Variants in SGMS1 observed in about 807,000 individuals in gnomAD.
SGMS1 encodes the protein sphingomyelin synthase 1.
In SGMS1, 13 loss-of-function variants were observed where a neutral mutation model predicts 46.2. The observed-to-expected ratio is 0.28, with a 90% CI of 0.18 to 0.45. The LOEUF is 0.45. SGMS1 is among the 20% of genes least tolerant of loss of function. The pLI is 1.00. For synonymous variants in SGMS1, 203 were observed against 187.8 expected (o/e 1.08, Z -0.66); for missense variants, 324 against 519.9 (o/e 0.62, Z 3.66).
chr10:50,491,131 G>A (rs1368075347), intron 3 of SGMS1, among the ~76,000 whole-genome samples: 2 of 152,108 alleles, frequency 1.3e-5, no homozygotes, highest in Non-Finnish European at 2.9e-5. Flanking sequence ...AGAATCAGCT[G>A]AGCCCAGGAG....
intron 3 of SGMS1, among the ~76,000 whole-genome samples, chr10:50,516,899 A>T (rs1442249578): frequency 6.6e-6 from 1 of 152,166 alleles, no homozygotes; most frequent in Non-Finnish European, 1.5e-5. Flanking sequence ...ATATAGTGGG[A>T]ACATCTACTG....
At chr10:50,419,527 G>C (rs533540637) in intron 6 of SGMS1, among the ~76,000 whole-genome samples, 87 of 152,164 alleles carry the variant, frequency 5.7e-4, no homozygotes, top group African/African-American at 2.0e-3. Flanking sequence ...ATTTCATTTA[G>C]GTCACAGGTG....
At chr10:50,406,704 C>CTTTTT (rs11424535) in intron 6 of SGMS1, among the ~76,000 whole-genome samples, 6 of 145,032 alleles carry the variant, frequency 4.1e-5, no homozygotes, top group Non-Finnish European at 3.0e-5. Context: ...AGCTATAATT[C>CTTTTT]TTTTTTTTTT....
intron 1 of SGMS1, among the ~76,000 whole-genome samples, chr10:50,603,196 C>A (rs749007481): frequency 1.3e-4 from 20 of 152,172 alleles, no homozygotes; most frequent in Non-Finnish European, 2.5e-4. Flanking sequence ...CAAACATGAT[C>A]CCCTAATAAA....
intron 7 of SGMS1, chr10:50,334,939 G>A (rs959133847): frequency 6.6e-6 from 1 of 152,290 alleles, no homozygotes; most frequent in African/African-American, 2.4e-5. Flanking sequence ...GGGTCAACAA[G>A]GAGGTTATCT....
chr10:50,581,297 C>A (rs1022048425), intron 2 of SGMS1, among the ~76,000 whole-genome samples: 2 of 152,142 alleles, frequency 1.3e-5, no homozygotes. Context: ...GGCAGTACAG[C>A]GTCTGTGATG....
intron 3 of SGMS1, among the ~76,000 whole-genome samples, chr10:50,492,710 G>A (rs1437591054): frequency 1.3e-5 from 2 of 152,156 alleles, no homozygotes; most frequent in East Asian, 1.9e-4. Context: ...AATCAATATT[G>A]TTATAATGGC....
chr10:50,609,168 G>T (rs999292518), intron 1 of SGMS1, among the ~76,000 whole-genome samples: 3 of 151,952 alleles, frequency 2.0e-5, no homozygotes, highest in Admixed American at 1.3e-4. Flanking sequence ...GACAGATTTT[G>T]CCACATTGCC....
intron 6 of SGMS1, among the ~76,000 whole-genome samples, chr10:50,408,243 C>T (rs577580255): frequency 6.6e-6 from 1 of 151,986 alleles, no homozygotes; most frequent in Non-Finnish European, 1.5e-5. Context: ...TGGCAGGGAA[C>T]AAGTAGGTAT....
At chr10:50,448,070 GA>G (rs1273214517) in intron 5 of SGMS1, among the ~76,000 whole-genome samples, 2 of 152,066 alleles carry the variant, frequency 1.3e-5, no homozygotes, top group African/African-American at 4.8e-5. Context: ...TCCAAACTGT[GA>G]AACAAATTCT....
chr10:50,361,736 C>T (rs963984979), intron 6 of SGMS1, among the ~76,000 whole-genome samples: 21 of 152,142 alleles, frequency 1.4e-4, no homozygotes, highest in African/African-American at 4.8e-4. Context: ...TCAACTGCAA[C>T]CCTCTGCCAC....
At chr10:50,611,750 ACCTGCCTGTGCACCTTCATC>A (rs985678612) in intron 1 of SGMS1, among the ~76,000 whole-genome samples, 2 of 151,732 alleles carry the variant, frequency 1.3e-5, no homozygotes, top group African/African-American at 4.8e-5. Flanking sequence ...GTCATCCTCC[ACCTGCCTGTGCACCTTCATC>A]CCTGCCGCTG....
At chr10:50,389,814 A>AAAAT (rs760890477) in intron 6 of SGMS1, among the ~76,000 whole-genome samples, 12 of 152,306 alleles carry the variant, frequency 7.9e-5, no homozygotes, top group African/African-American at 2.4e-4. Flanking sequence ...TGTTTGTACA[A>AAAAT]AAATAAATAA....
At chr10:50,368,420 G>A (rs1848383931) in intron 6 of SGMS1, among the ~76,000 whole-genome samples, 1 of 152,050 alleles carries the variant, frequency 6.6e-6, no homozygotes, top group Non-Finnish European at 1.5e-5. Context: ...GCAATGGTGC[G>A]ATCTTGGCTT....
rs573417784 is a variant in SGMS1, at chr10:50,497,161, A to C, written c.-498+22670T>G. On this transcript the variant is annotated intron_variant, in intron 3 of 10. Coordinates refer to ENST00000361781, the MANE Select transcript of SGMS1 (RefSeq NM_147156.4). ...GATTAACGATGAGAACTCTGCCTCC[A>C]CCCACACCTCTCTTCCCCACAATAG... Among the ~76,000 whole-genome samples, 8 of 152,276 alleles carry C rather than the reference A, an allele frequency of 5.3e-5. No homozygotes were observed. In the South Asian group the frequency reaches 1.7e-3, roughly 32 times the overall value.
In SGMS1 at chr10:50,458,982, A is replaced by C. The variant is rs144149936; in HGVS notation, c.-313+1691T>G. On this transcript the variant is annotated intron_variant, in intron 5 of 10. Coordinates refer to ENST00000361781, the MANE Select transcript of SGMS1 (RefSeq NM_147156.4). ...GAAAGTGGTCACTGAGCCAAAACTAAGTACTTGAATAGATGTTCTATATTT... is the reference window on the plus strand; with the variant it reads ...GAAAGTGGTCACTGAGCCAAAACTACGTACTTGAATAGATGTTCTATATTT... Among the ~76,000 whole-genome samples, 5 of 152,328 alleles carry C rather than the reference A, an allele frequency of 3.3e-5. No homozygotes were observed. The East Asian group carries it at 9.6e-4, about 29-fold the overall frequency.
intron 4 of SGMS1, among the ~76,000 whole-genome samples, chr10:50,463,239 C>T (rs1564921020): frequency 6.6e-6 from 1 of 152,100 alleles, no homozygotes; most frequent in Non-Finnish European, 1.5e-5. Context: ...AGTGAAAGGG[C>T]AACCCACAGA....
chr10:50,575,041 A>C (rs1156305738), intron 2 of SGMS1, among the ~76,000 whole-genome samples: 1 of 148,176 alleles, frequency 6.7e-6, no homozygotes, highest in Non-Finnish European at 1.5e-5. Context: ...GTGAAACAAC[A>C]TAGACGTGGA....
intron 6 of SGMS1, chr10:50,417,959 T>TTACTTC (rs1238809970): frequency 6.6e-6 from 1 of 152,266 alleles, no homozygotes; most frequent in Non-Finnish European, 1.5e-5. Context: ...AGATTTCCCT[T>TTACTTC]TACTTCGCCG....
Sources: allele counts gnomAD v4.1 joint callset (sites outside exome capture counted in the v4.1 genomes callset), GRCh38; gene constraint gnomAD v4.1.1; transcripts MANE v1.5; gene names NCBI Gene and HGNC (gene_info 2026-07-23, HGNC 2026-07-21).